The following ENDOV variants were observed in gnomAD, a reference collection of about 807,000 sequenced individuals.
ENDOV encodes the protein hEndoV.
In ENDOV, 37 loss-of-function variants were observed where a neutral mutation model predicts 39.4. The ratio of observed to expected loss-of-function variants is 0.94; its 90% CI spans 0.72 to 1.23. The LOEUF (loss-of-function observed/expected upper bound fraction) is 1.23. ENDOV is among the 50% of genes most tolerant of loss of function. The probability of loss-of-function intolerance (pLI) is 0.00; values close to 1 mark genes in which losing one functional copy is unlikely to be tolerated. For synonymous variants in ENDOV, 186 were observed against 163.4 expected, an observed-to-expected ratio of 1.14 and a Z score of -1.05; for missense variants, 441 against 375.7, an observed-to-expected ratio of 1.17 and a Z score of -1.44.
intron 9 of ENDOV, chr17:80,433,166 T>C (rs770602667): frequency 1.9e-6 from 1 of 520,126 alleles, no homozygotes; most frequent in Non-Finnish European, 3.8e-6. Flanking sequence ...GTGTGGAAGC[T>C]GGGCAGAGCT....
At chr17:80,415,350 GCCA>G in intron 1 of ENDOV, 100 bp downstream of exon 1, 2 of 1,398,310 alleles carry the variant, frequency 1.4e-6, no homozygotes, top group Non-Finnish European at 2.0e-6. Flanking sequence ...AATCGGAGCT[GCCA>G]CCGCCCGAGA....
In ENDOV at chr17:80,415,753, T is replaced by C. The variant is rs1394425476; in HGVS notation, c.160T>C (p.Ser54Pro). Residue 54 changes from serine (S) to proline (P), a missense_variant, in exon 2 of 10, where the codon TCC becomes CCC. By Grantham distance (74) the Ser-to-Pro change is moderately conservative. Coordinates refer to ENST00000518137, the MANE Select transcript of ENDOV (RefSeq NM_173627.5). ...GCAGAGGGTCGGGGGCGTTGACGTG[T>C]CCTTCGTGAAAGGGGACAGTGTCCG... ...GLQRVGGVDV[S>P]FVKGDSVRAC... The C allele has an allele frequency of 1.2e-6, 2 of 1,606,484 alleles. No individual in the cohort carries two copies. The highest frequency in any genetic ancestry group is 1.7e-6 in the Non-Finnish European group (2 of 1,176,718).
intron 7 of ENDOV, among the ~76,000 whole-genome samples, 181 bp downstream of exon 7, chr17:80,425,801 AC>A (rs1414320894): frequency 6.6e-6 from 1 of 152,104 alleles, no homozygotes. Flanking sequence ...TGCAGTCAGG[AC>A]AGTAGACTGG....
At position 80,421,810 on chromosome 17, in the gene ENDOV, C is replaced by T. The variant is rs372521467; in HGVS notation, c.229-18C>T. 1 of 1,585,330 alleles carries T rather than the reference C, an allele frequency of 6.3e-7. No homozygotes were observed. ...GCCGAAGGCTGTGCTTCCCACTGAG[C>T]TGCGTGCCTGGTGTCAGGTGGTGTA... On this transcript the variant is annotated intron_variant, in intron 2 of 9. Transcript: ENST00000518137.
chr17:80,421,596 G>C (rs2082041220), intron 2 of ENDOV, among the ~76,000 whole-genome samples: 1 of 151,724 alleles, frequency 6.6e-6, no homozygotes, highest in South Asian at 2.1e-4. Context: ...GTCCTGGGGG[G>C]GTCTGCTCCT....
At chr17:80,429,093 G>A (rs1286390679) in intron 8 of ENDOV, among the ~76,000 whole-genome samples, 1 of 152,242 alleles carries the variant, frequency 6.6e-6, no homozygotes, top group Non-Finnish European at 1.5e-5. Flanking sequence ...TCATCGTCGG[G>A]ATAGGCTCTG....
intron 8 of ENDOV, among the ~76,000 whole-genome samples, chr17:80,429,163 G>A (rs755646335): frequency 2.7e-4 from 41 of 152,210 alleles, no homozygotes; most frequent in Non-Finnish European, 4.3e-4. Context: ...CACAGTCACC[G>A]CTAACAGTGC....
rs760707509 is a variant in ENDOV, at chr17:80,415,633, C to T, written c.57-17C>T. On this transcript the variant is annotated splice_polypyrimidine_tract_variant and intron_variant, in intron 1 of 9. Coordinates refer to ENST00000518137, the MANE Select transcript of ENDOV (RefSeq NM_173627.5). ...GAGGTGTGACCCCGACCAAGTTTGA[C>T]GCTTCTGTCCTCCTAGGGAGCAAGC... The T allele has an allele frequency of 1.2e-6, 2 of 1,609,636 alleles. No individual in the cohort carries two copies. The highest frequency in any genetic ancestry group is 1.1e-5 in the South Asian group (1 of 90,196).
intron 4 of ENDOV, among the ~76,000 whole-genome samples, chr17:80,423,249 C>T (rs917264134): frequency 6.6e-5 from 10 of 152,250 alleles, no homozygotes; most frequent in African/African-American, 2.4e-4. Flanking sequence ...CGGAGAGCTG[C>T]AGTATCCCAG....
Position 80,425,601 on chromosome 17 carries a change from TC to T in ENDOV, c.698del (p.Pro233GlnfsTer69). ...RLTCCCCRFR[I>X]PEPVRQADIC... is the part of the protein sequence containing the mutation. ...ACTTGCTGCTGCTGCAGGTTCCGGA[TC>T]CCAGAGCCCGTGCGCCAGGTGGGTG... On this transcript the variant is annotated frameshift_variant, in exon 7 of 10. Transcript: ENST00000518137. LOFTEE classifies it high-confidence loss of function. 6.3e-7 allele frequency: 1 copy of T among 1,587,444 alleles called. No homozygotes were observed.
rs1388030248 is a variant in ENDOV, at chr17:80,425,581, C to T, written c.675C>T (p.Cys225=). 2 of 1,591,408 alleles carry T rather than the reference C, an allele frequency of 1.3e-6. No individual in the cohort carries two copies. The highest frequency in any genetic ancestry group is 3.4e-5 in the Admixed American group (2 of 58,052). The change falls in exon 7 of 10, where the codon TGC becomes TGT. Residue 225 remains cysteine, a synonymous_variant. Transcript: ENST00000518137. ...TGGAGGCCGCTGTGCGCCTGACTTG[C>T]TGCTGCTGCAGGTTCCGGATCCCAG... ...MSLEAAVRLT[C]CCCRFRIPEP... is the part of the protein sequence containing the mutation.
chr17:80,415,612 T>G (rs1599265334), intron 1 of ENDOV, 38 bp from the exon 2 acceptor site: 2 of 1,601,082 alleles, frequency 1.2e-6, no homozygotes, highest in Non-Finnish European at 1.7e-6. Flanking sequence ...GAGTCTGAGG[T>G]GTGACCCCGA....
At chr17:80,424,526 C>T (rs901850253) in intron 5 of ENDOV, among the ~76,000 whole-genome samples, 3 of 152,242 alleles carry the variant, frequency 2.0e-5, no homozygotes, top group African/African-American at 4.8e-5. Flanking sequence ...GGGCAGCACC[C>T]TCAGCTCAGG....
At chr17:80,430,001 G>A (rs41301876) in intron 9 of ENDOV, 170 bp downstream of exon 9, 128,301 of 1,538,114 alleles carry the variant, frequency 0.083, 5,741 homozygotes, top group Middle Eastern at 0.17. Context: ...CACCCCTGGG[G>A]GTGGTCTAGG....
chr17:80,423,848 G>A (rs2082359078), intron 5 of ENDOV: 2 of 555,990 alleles, frequency 3.6e-6, no homozygotes, highest in Non-Finnish European at 6.4e-6. Flanking sequence ...TGCCTCCTGG[G>A]TGTGCCTGCC....
chr17:80,434,931 G>A (rs543496428), intron 9 of ENDOV, among the ~76,000 whole-genome samples: 1 of 152,192 alleles, frequency 6.6e-6, no homozygotes, highest in African/African-American at 2.4e-5. Flanking sequence ...GGGTGACAAT[G>A]AGACCCTGCC....
At chr17:80,424,160 G>C in intron 5 of ENDOV, 1 of 399,656 alleles carries the variant, frequency 2.5e-6, no homozygotes, top group Non-Finnish European at 4.4e-6. Flanking sequence ...AATGGAGGGA[G>C]CTGTTGACAC....
intron 9 of ENDOV, among the ~76,000 whole-genome samples, chr17:80,433,954 C>T (rs1410669281): frequency 1.3e-5 from 2 of 152,248 alleles, no homozygotes; most frequent in African/African-American, 4.8e-5. Context: ...CACTACAACT[C>T]ATTGACTTTT....
intron 2 of ENDOV, chr17:80,419,998 T>G: frequency 3.2e-6 from 1 of 310,870 alleles, no homozygotes; most frequent in South Asian, 4.2e-5. Context: ...TGTACATACA[T>G]CCCCCCAAAT....
Sources: allele counts gnomAD v4.1 joint callset (sites outside exome capture counted in the v4.1 genomes callset), GRCh38; gene constraint gnomAD v4.1.1; transcripts MANE v1.5; gene names NCBI Gene and HGNC (gene_info 2026-07-23, HGNC 2026-07-21).